The following FAM177A1 variants were observed in gnomAD, a reference collection of about 807,000 sequenced individuals.
The protein encoded by FAM177A1 is protein FAM177A1.
A neutral mutation model predicts 26.1 loss-of-function variants in FAM177A1; 22 were observed. The ratio of observed to expected loss-of-function variants is 0.84; its 90% CI spans 0.60 to 1.20. FAM177A1 has a LOEUF of 1.20. Ranked by LOEUF, FAM177A1 falls within the 50% of genes most tolerant of loss-of-function variation. FAM177A1 has a pLI of 0.00. For synonymous variants in FAM177A1, 95 were observed against 99.3 expected, an observed-to-expected ratio of 0.96 and a Z score of 0.26; for missense variants, 296 against 291.1, an observed-to-expected ratio of 1.02 and a Z score of -0.12.
Position 35,052,440 on chromosome 14 carries a change from AC to A in FAM177A1, c.166-836del, listed in dbSNP as rs1315793012. On this transcript the variant is annotated intron_variant, in intron 1 of 4. Coordinates refer to ENST00000280987, the MANE Select transcript of FAM177A1 (RefSeq NM_173607.5). ...GTTTCACCGTGGTCTCGATCTCCTG[AC>A]CTTGTGATCCGCCTGCCTCGGCCTC... Among the ~76,000 whole-genome samples, 5 of 151,576 alleles carry A rather than the reference AC, an allele frequency of 3.3e-5. No homozygotes were observed. The South Asian group carries it at 1.0e-3, about 32-fold the overall frequency.
At chr14:35,049,529 AT>A (rs1189030700) in intron 1 of FAM177A1, among the ~76,000 whole-genome samples, 1 of 152,152 alleles carries the variant, frequency 6.6e-6, no homozygotes, top group Non-Finnish European at 1.5e-5. Context: ...CACACCTATA[AT>A]CCCAGCACTT....
chr14:35,074,524 C>A (rs1165895382), intron 2 of FAM177A1, among the ~76,000 whole-genome samples: 1 of 151,634 alleles, frequency 6.6e-6, no homozygotes, highest in Non-Finnish European at 1.5e-5. Flanking sequence ...CGGGGTTTCT[C>A]CATGTTGGTC....
In FAM177A1 at chr14:35,081,037, G is replaced by T; in HGVS notation, c.520G>T (p.Glu174Ter). 1 of 1,606,130 alleles carries T rather than the reference G, an allele frequency of 6.2e-7. No homozygotes were observed. The highest frequency in any genetic ancestry group is 8.5e-7 in the Non-Finnish European group (1 of 1,177,380). ...RMKKEEEEEE[E>*]ENRMSEEAEK... ...TTTTTTTTAGGAAGAAGAAGAAGAA[G>T]AAGAAAACAGGATGTCTGAAGAAGC... Residue 174 changes from glutamate to a stop codon, truncating the protein, a stop_gained, in exon 5 of 5, where the codon GAA becomes TAA. Coordinates refer to ENST00000280987, the MANE Select transcript of FAM177A1 (RefSeq NM_173607.5). LOFTEE classifies it high-confidence loss of function.
chr14:35,077,710 C>T (rs1428092929), intron 3 of FAM177A1, among the ~76,000 whole-genome samples: 1 of 151,060 alleles, frequency 6.6e-6, no homozygotes, highest in African/African-American at 2.4e-5. Flanking sequence ...TCTCGATCTC[C>T]TGACCTCATG....
upstream of FAM177A1, chr14:35,046,221 G>GGGCCC (rs1456926988): frequency 2.8e-6 from 1 of 355,154 alleles, no homozygotes; most frequent in African/African-American, 2.2e-5. Flanking sequence ...CGCCCCGCAA[G>GGGCCC]GACCCGCCCC....
intron 4 of FAM177A1, among the ~76,000 whole-genome samples, chr14:35,080,053 G>GTCTC (rs33980744): frequency 0.82 from 124,857 of 151,556 alleles, 51,766 homozygotes; most frequent in Non-Finnish European, 0.87. Context: ...CTCCTAAATG[G>GTCTC]TCTCTATTCT....
In FAM177A1 at chr14:35,081,294, C is replaced by T; in HGVS notation, c.*66C>T. ...TTTTTAATACAAAAACTTTCACATTCTTTATTCAGTGGGACTTAATACAAT... is the reference window on the plus strand; with the variant it reads ...TTTTTAATACAAAAACTTTCACATTTTTTATTCAGTGGGACTTAATACAAT... On this transcript the variant is annotated 3_prime_UTR_variant, in exon 5 of 5. Transcript: ENST00000280987. 6.9e-7 allele frequency: 1 copy of T among 1,443,944 alleles called. No homozygotes were observed. The highest frequency in any genetic ancestry group is 1.4e-5 in the South Asian group (1 of 73,976). 89.4% of individuals were successfully genotyped at this position (1,443,944 alleles called of 1,614,324 possible). A position where few individuals can be genotyped will look rare whatever the true frequency, so the allele number is the denominator to read the frequency against.
chr14:35,078,867 A>T, intron 3 of FAM177A1, 60 bp from the exon 4 acceptor site: 1 of 1,244,538 alleles, frequency 8.0e-7, no homozygotes, highest in South Asian at 1.7e-5. Flanking sequence ...TCTTACACAT[A>T]GAAAGTGCTC....
chr14:35,048,594 CTTCT>C (rs1167523472), intron 1 of FAM177A1, among the ~76,000 whole-genome samples: 1 of 149,940 alleles, frequency 6.7e-6, no homozygotes, highest in African/African-American at 2.4e-5. Flanking sequence ...TTAAATATCT[CTTCT>C]TTCTTGTTAA....
intron 2 of FAM177A1, among the ~76,000 whole-genome samples, chr14:35,074,517 G>A (rs928205274): frequency 1.1e-4 from 17 of 151,582 alleles, no homozygotes; most frequent in Non-Finnish European, 7.4e-5. Context: ...GTAGAGACGG[G>A]GTTTCTCCAT....
intron 1 of FAM177A1, among the ~76,000 whole-genome samples, chr14:35,049,169 G>T (rs1398299619): frequency 6.6e-6 from 1 of 152,090 alleles, no homozygotes; most frequent in Non-Finnish European, 1.5e-5. Context: ...TGGGATTACA[G>T]GTGTGAGCCA....
Position 35,046,621 on chromosome 14 carries a change from C to T in FAM177A1, c.158C>T (p.Ala53Val). 1 of 1,543,046 alleles carries T rather than the reference C, an allele frequency of 6.5e-7. No individual in the cohort carries two copies. The highest frequency in any genetic ancestry group is 1.4e-5 in the African/African-American group (1 of 72,582). The change falls in exon 1 of 5, where the codon GCA (alanine) becomes GTA (valine). Residue 53 changes from alanine to valine, a missense_variant. Physicochemically the swap from Ala to Val is moderately conservative, Grantham distance 64 (BLOSUM62 0). Coordinates refer to ENST00000280987, the MANE Select transcript of FAM177A1 (RefSeq NM_173607.5). ...AAAAAAFGES[A>V]GQMSNERGFE... ...GCCGCCGCGGCATTCGGGGAATCTG[C>T]AGGGCAGGTAGGTGGGGCCGCCGAG...
At chr14:35,053,133 A>T in intron 1 of FAM177A1, 145 bp from the exon 2 acceptor site, 1 of 673,058 alleles carries the variant, frequency 1.5e-6, no homozygotes, top group Non-Finnish European at 2.5e-6. Flanking sequence ...CCTGAGCAAT[A>T]GAGTGAGACC....
intron 2 of FAM177A1, among the ~76,000 whole-genome samples, chr14:35,057,405 C>T (rs1207476550): frequency 4.0e-5 from 6 of 151,300 alleles, no homozygotes; most frequent in Non-Finnish European, 8.8e-5. Flanking sequence ...TTTTTTGAGA[C>T]GGAGTCTCAC....
At chr14:35,053,719 C>T (rs145436483) in intron 2 of FAM177A1, among the ~76,000 whole-genome samples, 1,656 of 152,176 alleles carry the variant, frequency 0.011, 39 homozygotes, top group African/African-American at 0.038. Flanking sequence ...CAGCCAGGCG[C>T]GGTGGCTCAC....
chr14:35,068,437 G>A (rs2045271226), intron 2 of FAM177A1, among the ~76,000 whole-genome samples: 1 of 152,192 alleles, frequency 6.6e-6, no homozygotes, highest in African/African-American at 2.4e-5. Context: ...CACTGTATTA[G>A]TAGAGTCCTT....
rs890842791 is a variant in FAM177A1, at chr14:35,047,078, G to A, written c.165+450G>A. ...AATTCACTGGATCCTTACAGTAACCGCTCGAGGTGGGTGTTAGCCCCATTT... is the reference window on the plus strand; with the variant it reads ...AATTCACTGGATCCTTACAGTAACCACTCGAGGTGGGTGTTAGCCCCATTT... On this transcript the variant is annotated intron_variant, in intron 1 of 4. Coordinates refer to ENST00000280987, the MANE Select transcript of FAM177A1 (RefSeq NM_173607.5). 8 of 927,000 alleles carry A rather than the reference G, an allele frequency of 8.6e-6. No individual in the cohort carries two copies. In the African/African-American group the frequency reaches 8.9e-5, roughly 10 times the overall value. The allele number at this position is 927,000 out of a possible 1,614,324, so 57.4% of individuals were successfully genotyped here. A position where few individuals can be genotyped will look rare whatever the true frequency, so the allele number is the denominator to read the frequency against.
At chr14:35,056,180 A>T (rs2138533642) in intron 2 of FAM177A1, among the ~76,000 whole-genome samples, 1 of 151,620 alleles carries the variant, frequency 6.6e-6, no homozygotes, top group Non-Finnish European at 1.5e-5. Flanking sequence ...GACTACAGAA[A>T]CGCACCACCA....
intron 4 of FAM177A1, 110 bp from the exon 5 acceptor site, chr14:35,080,912 C>CTG: frequency 9.3e-7 from 1 of 1,079,456 alleles, no homozygotes; most frequent in Non-Finnish European, 1.2e-6. Flanking sequence ...GAACATGACA[C>CTG]TTTTTTTTTT....
Sources: gnomAD v4.1 joint callset for allele counts (sites outside exome capture counted in the v4.1 genomes callset) on GRCh38, gnomAD v4.1.1 for gene constraint, MANE v1.5 for transcripts, NCBI Gene and HGNC (gene_info 2026-07-23, HGNC 2026-07-21) for gene names.